SH3RF3: variants seen among roughly 807,000 people sequenced by gnomAD.
SH3RF3 encodes E3 ubiquitin-protein ligase SH3RF3.
A neutral mutation model predicts 66.3 loss-of-function variants in SH3RF3; 29 were observed. That is an observed-to-expected ratio of 0.44 (90% CI 0.33 to 0.60). The LOEUF (loss-of-function observed/expected upper bound fraction) is 0.60. Among genes scored for constraint, SH3RF3 ranks in the 20% least tolerant of loss-of-function variants. The pLI, the probability that SH3RF3 is intolerant of heterozygous loss-of-function variation, is 0.04. For synonymous variants in SH3RF3, 583 were observed against 532.0 expected, an observed-to-expected ratio of 1.10 and a Z score of -1.32; for missense variants, 1,194 against 1,190.9, an observed-to-expected ratio of 1.00 and a Z score of -0.04.
In SH3RF3 at chr2:109,276,899, G is replaced by A. The variant is rs1357639443; in HGVS notation, c.574-70775G>A. On this transcript the variant is annotated intron_variant, in intron 1 of 9. Coordinates refer to ENST00000309415, the MANE Select transcript of SH3RF3 (RefSeq NM_001099289.3). ...CATGGAAAAAAAAATGAGATTAAGA[G>A]AGTAGAGATGACCAAGGTTCATGTT... Among the ~76,000 whole-genome samples the A allele has an allele frequency of 2.0e-5, 3 of 152,268 alleles. No individual in the cohort carries two copies. The East Asian group carries it at 5.8e-4, about 29-fold the overall frequency.
intron 2 of SH3RF3, among the ~76,000 whole-genome samples, chr2:109,360,955 G>A (rs1337965411): frequency 6.6e-6 from 1 of 152,218 alleles, no homozygotes; most frequent in African/African-American, 2.4e-5. Context: ...TAGGTGAACT[G>A]TAGGTTATTT....
At chr2:109,195,634 G>A (rs1456329933) in intron 1 of SH3RF3, among the ~76,000 whole-genome samples, 5 of 152,134 alleles carry the variant, frequency 3.3e-5, no homozygotes, top group Non-Finnish European at 5.9e-5. Flanking sequence ...CTCTTTCCCC[G>A]CAGGCAGCCT....
intron 1 of SH3RF3, among the ~76,000 whole-genome samples, chr2:109,312,379 A>AT (rs994342809): frequency 2.0e-5 from 3 of 152,216 alleles, no homozygotes; most frequent in African/African-American, 7.2e-5. Flanking sequence ...TACTTATAAC[A>AT]TGAAAGTCAT....
chr2:109,355,751 G>A (rs1019111349), intron 2 of SH3RF3, among the ~76,000 whole-genome samples: 1 of 152,174 alleles, frequency 6.6e-6, no homozygotes, highest in Non-Finnish European at 1.5e-5. Flanking sequence ...TAACACGCAG[G>A]TCCATGCCAT....
At chr2:109,499,921 G>C (rs189509423) in intron 9 of SH3RF3, among the ~76,000 whole-genome samples, 28 of 152,330 alleles carry the variant, frequency 1.8e-4, no homozygotes, top group African/African-American at 6.5e-4. Flanking sequence ...ACAAGTGACT[G>C]GGGGTTTCCA....
chr2:109,191,828 G>A (rs1678374728), intron 1 of SH3RF3, among the ~76,000 whole-genome samples: 1 of 152,150 alleles, frequency 6.6e-6, no homozygotes, highest in Admixed American at 6.5e-5. Context: ...CCTCTTCTTT[G>A]TGGTTATAAA....
intron 8 of SH3RF3, 42 bp downstream of exon 8, chr2:109,449,531 C>T (rs779900657): frequency 6.3e-7 from 1 of 1,591,460 alleles, no homozygotes; most frequent in South Asian, 1.1e-5. Context: ...TCGAGGCCAG[C>T]TGCTTACTGT....
chr2:109,255,484 G>A (rs992486307), intron 1 of SH3RF3, among the ~76,000 whole-genome samples: 8 of 152,176 alleles, frequency 5.3e-5, no homozygotes, highest in Non-Finnish European at 1.0e-4. Context: ...TTAGTCAGCC[G>A]ACTGGGTATC....
intron 8 of SH3RF3, among the ~76,000 whole-genome samples, chr2:109,487,881 G>A (rs1287210277): frequency 6.6e-6 from 1 of 152,126 alleles, no homozygotes; most frequent in South Asian, 2.1e-4. Flanking sequence ...GCTAGGCGCT[G>A]GTGGGGATAC....
At chr2:109,469,618 G>A (rs192479599) in intron 8 of SH3RF3, among the ~76,000 whole-genome samples, 3 of 152,272 alleles carry the variant, frequency 2.0e-5, no homozygotes, top group East Asian at 3.9e-4. Context: ...GGGCCCCAGT[G>A]GCTCAGAGTG....
At chr2:109,351,590 T>C (rs1682838784) in intron 2 of SH3RF3, among the ~76,000 whole-genome samples, 1 of 152,258 alleles carries the variant, frequency 6.6e-6, no homozygotes, top group Admixed American at 6.5e-5. Flanking sequence ...GCATTTGCTA[T>C]GCAGGGCCCA....
intron 1 of SH3RF3, among the ~76,000 whole-genome samples, chr2:109,159,295 C>G (rs376323564): frequency 3.3e-5 from 5 of 152,174 alleles, no homozygotes; most frequent in Non-Finnish European, 2.9e-5. Flanking sequence ...CTCTCAGGAC[C>G]GCTGCTGTAC....
chr2:109,251,761 C>T, intron 1 of SH3RF3: 1 of 577,408 alleles, frequency 1.7e-6, no homozygotes, highest in South Asian at 2.2e-5. Flanking sequence ...GTTAAATAAA[C>T]TTTTGTAATA....
intron 3 of SH3RF3, among the ~76,000 whole-genome samples, chr2:109,375,054 G>A (rs1047392749): frequency 6.6e-5 from 10 of 152,294 alleles, no homozygotes; most frequent in African/African-American, 2.2e-4. Context: ...GGTGGACCCC[G>A]CCCTGGACAT....
intron 9 of SH3RF3, among the ~76,000 whole-genome samples, chr2:109,492,866 T>C (rs962508256): frequency 1.3e-5 from 2 of 152,086 alleles, no homozygotes; most frequent in Non-Finnish European, 2.9e-5. Flanking sequence ...TGCACCATTG[T>C]TGGGTCCTGC....
intron 1 of SH3RF3, among the ~76,000 whole-genome samples, chr2:109,269,929 T>C (rs1558992981): frequency 6.6e-6 from 1 of 152,204 alleles, no homozygotes. Flanking sequence ...AAAACGTAAC[T>C]ACTACTAATA....
Position 109,442,967 on chromosome 2 carries a change from A to G in SH3RF3, c.1828+5821A>G, listed in dbSNP as rs566942675. ...CAACGATATGCTGTGAGTAAGAAAC[A>G]TACTTTAATACTTCAAGTCTAAAGA... is the stretch of plus-strand genomic sequence containing the variant. On this transcript the variant is annotated intron_variant, in intron 7 of 9. Coordinates refer to ENST00000309415, the MANE Select transcript of SH3RF3 (RefSeq NM_001099289.3). 4.6e-5 allele frequency among the ~76,000 whole-genome samples: 7 copies of G among 152,394 alleles called. No individual in the cohort carries two copies. The South Asian group carries it at 1.2e-3, about 27-fold the overall frequency.
At chr2:109,383,672 G>C (rs1210358150) in intron 3 of SH3RF3, among the ~76,000 whole-genome samples, 1 of 152,180 alleles carries the variant, frequency 6.6e-6, no homozygotes, top group Non-Finnish European at 1.5e-5. Context: ...AAACAGCACT[G>C]ATTCCAGCTT....
chr2:109,395,149 C>T (rs1676106904), intron 3 of SH3RF3, among the ~76,000 whole-genome samples: 1 of 152,238 alleles, frequency 6.6e-6, no homozygotes, highest in Non-Finnish European at 1.5e-5. Flanking sequence ...CCTGGGACTC[C>T]GCAGGCAGGC....
Sources: gnomAD v4.1 joint callset for allele counts (sites outside exome capture counted in the v4.1 genomes callset) on GRCh38, gnomAD v4.1.1 for gene constraint, MANE v1.5 for transcripts, NCBI Gene and HGNC (gene_info 2026-07-23, HGNC 2026-07-21) for gene names.